The following CEP112 variants were observed in gnomAD, a reference collection of about 807,000 sequenced individuals.
CEP112 encodes centrosomal protein of 112 kDa.
A neutral mutation model predicts 153.0 loss-of-function variants in CEP112; 127 were observed. The observed-to-expected ratio is 0.83, with a 90% CI of 0.72 to 0.96. The LOEUF is 0.96. CEP112 is among the 40% of genes least tolerant of loss of function. The probability of loss-of-function intolerance (pLI) is 0.00; values close to 1 mark genes in which losing one functional copy is unlikely to be tolerated. For missense variants in CEP112, 1,089 were observed against 1,101.2 expected (o/e 0.99, Z 0.16); for synonymous variants, 358 against 374.4 (o/e 0.96, Z 0.51).
At chr17:65,921,936 AG>A (rs537163138) in intron 19 of CEP112, among the ~76,000 whole-genome samples, 5 of 152,156 alleles carry the variant, frequency 3.3e-5, no homozygotes, top group Non-Finnish European at 7.4e-5. Context: ...TGTGGATAAT[AG>A]GGGGTATAGA....
rs920326758 is a variant in CEP112 at position 65,650,635 on chromosome 17, C to T, written c.2698-9570G>A. 2.0e-5 allele frequency among the ~76,000 whole-genome samples: 3 copies of T among 150,180 alleles called. No homozygotes were observed. The East Asian group carries it at 6.0e-4, about 30-fold the overall frequency. On this transcript the variant is annotated intron_variant, in intron 24 of 26. Coordinates refer to ENST00000535342, the MANE Select transcript of CEP112 (RefSeq NM_001199165.4). ...TACTGGCCAGGAGCGGTGGCTCATG[C>T]CTGTAATCCCAGCACTTTGGGAGGC...
chr17:65,735,793 T>C (rs1234697677), intron 23 of CEP112, among the ~76,000 whole-genome samples: 1 of 152,170 alleles, frequency 6.6e-6, no homozygotes, highest in African/African-American at 2.4e-5. Context: ...AAATGGAAAG[T>C]GATATCTTTG....
chr17:65,843,039 C>T (rs958562065), intron 21 of CEP112, among the ~76,000 whole-genome samples: 1 of 151,976 alleles, frequency 6.6e-6, no homozygotes, highest in Non-Finnish European at 1.5e-5. Flanking sequence ...AAAAATTATC[C>T]TATAAAAAGT....
intron 23 of CEP112, among the ~76,000 whole-genome samples, chr17:65,717,424 A>T (rs1287071109): frequency 1.3e-5 from 2 of 152,168 alleles, no homozygotes; most frequent in African/African-American, 2.4e-5. Flanking sequence ...TAGGACAAAA[A>T]TAAGGTTTTG....
intron 20 of CEP112, among the ~76,000 whole-genome samples, chr17:65,868,022 G>A (rs2058540770): frequency 1.3e-5 from 2 of 151,524 alleles, no homozygotes; most frequent in South Asian, 4.2e-4. Flanking sequence ...TTTATTATGA[G>A]TTTATATTAT....
At chr17:65,834,711 G>T (rs933351300) in intron 21 of CEP112, among the ~76,000 whole-genome samples, 15 of 152,128 alleles carry the variant, frequency 9.9e-5, no homozygotes, top group African/African-American at 3.6e-4. Flanking sequence ...TGCTGGCAAG[G>T]GTGTGGAGAA....
intron 20 of CEP112, among the ~76,000 whole-genome samples, chr17:65,879,150 TG>T (rs2058961275): frequency 6.6e-6 from 1 of 152,228 alleles, no homozygotes; most frequent in Non-Finnish European, 1.5e-5. Context: ...TCAATGATTT[TG>T]AGATGGGAAA....
chr17:65,916,252 T>G (rs199965387), intron 19 of CEP112, among the ~76,000 whole-genome samples: 4 of 110,452 alleles, frequency 3.6e-5, no homozygotes, highest in Non-Finnish European at 7.2e-5. Context: ...TGAAAAAGAG[T>G]GTGTGTGTGT....
intron 23 of CEP112, among the ~76,000 whole-genome samples, chr17:65,735,258 T>A (rs1207256318): frequency 6.6e-6 from 1 of 152,184 alleles, no homozygotes; most frequent in Non-Finnish European, 1.5e-5. Flanking sequence ...CAAGAAAACA[T>A]CTGCCAAATA....
intron 21 of CEP112, among the ~76,000 whole-genome samples, chr17:65,763,291 GT>G (rs1003651404): frequency 6.6e-6 from 1 of 151,888 alleles, no homozygotes; most frequent in African/African-American, 2.4e-5. Flanking sequence ...TGTGTAGCAT[GT>G]TTTTTCTTTC....
At chr17:65,919,104 G>A (rs1410935639) in intron 19 of CEP112, among the ~76,000 whole-genome samples, 1 of 152,192 alleles carries the variant, frequency 6.6e-6, no homozygotes, top group Admixed American at 6.5e-5. Context: ...CCCCCCTGGG[G>A]GATCTGAGGG....
chr17:65,970,774 C>CACGTTAA (rs2062716716), intron 17 of CEP112, among the ~76,000 whole-genome samples: 1 of 60,766 alleles, frequency 1.6e-5, no homozygotes. Flanking sequence ...TTACATGTTA[C>CACGTTAA]ATGCATGCAT....
chr17:65,952,927 GTGCCTGTTCAAATCTTT>G lies in CEP112; in HGVS notation c.1872+8519_1872+8535del, dbSNP rs530688838. On this transcript the variant is annotated intron_variant, in intron 18 of 26. Transcript: ENST00000535342. ...TCATTTGTATATCTTCTTTTGTGAA[GTGCCTGTTCAAATCTTT>G]TGCCTGTTTTTAATTGGATTGTCTT... Among the ~76,000 whole-genome samples, 10 of 152,254 alleles carry G rather than the reference GTGCCTGTTCAAATCTTT, an allele frequency of 6.6e-5. No homozygotes were observed. The South Asian group carries it at 2.1e-3, about 32-fold the overall frequency.
At chr17:65,969,534 ATGTT>A (rs1313401696) in intron 17 of CEP112, among the ~76,000 whole-genome samples, 22 of 152,038 alleles carry the variant, frequency 1.4e-4, no homozygotes, top group African/African-American at 5.3e-4. Context: ...TATTGCATGT[ATGTT>A]ACTTAAATGA....
intron 20 of CEP112, among the ~76,000 whole-genome samples, chr17:65,891,459 C>T (rs557466108): frequency 3.9e-4 from 59 of 152,224 alleles, no homozygotes; most frequent in African/African-American, 1.2e-3. Flanking sequence ...CAATCTTCCT[C>T]GTATTTGACA....
At chr17:65,948,272 T>C (rs1309016600) in intron 18 of CEP112, among the ~76,000 whole-genome samples, 4 of 152,174 alleles carry the variant, frequency 2.6e-5, no homozygotes, top group Non-Finnish European at 5.9e-5. Context: ...TAGCATCATA[T>C]ATCTAATGAC....
chr17:65,937,585 A>T (rs868627987), intron 18 of CEP112, among the ~76,000 whole-genome samples: 2 of 37,542 alleles, frequency 5.3e-5, no homozygotes, highest in African/African-American at 8.8e-5. Flanking sequence ...TCAGCCCCCC[A>T]CCCGGCCAGC....
intron 16 of CEP112, among the ~76,000 whole-genome samples, chr17:66,005,998 T>TA (rs1716191942): frequency 6.6e-6 from 1 of 152,176 alleles, no homozygotes; most frequent in South Asian, 2.1e-4. Context: ...TGAATTCTTT[T>TA]AAAATAAATT....
chr17:65,738,474 CA>C (rs1422247820), intron 23 of CEP112, among the ~76,000 whole-genome samples: 1 of 151,652 alleles, frequency 6.6e-6, no homozygotes, highest in Admixed American at 6.6e-5. Flanking sequence ...TCTAAAACAA[CA>C]AAAAAAATCA....
Sources: allele counts gnomAD v4.1 joint callset (sites outside exome capture counted in the v4.1 genomes callset), GRCh38; gene constraint gnomAD v4.1.1; transcripts MANE v1.5; gene names NCBI Gene and HGNC (gene_info 2026-07-23, HGNC 2026-07-21).